The following EIF4G3 variants were observed in gnomAD, a reference collection of about 807,000 sequenced individuals.
EIF4G3 encodes eukaryotic translation initiation factor 4 gamma 3.
EIF4G3 carries 34 observed loss-of-function variants against 186.4 expected under a neutral mutation model. That is an observed-to-expected ratio of 0.18 (90% CI 0.14 to 0.24). The LOEUF (loss-of-function observed/expected upper bound fraction) is 0.24. Ranked by LOEUF, EIF4G3 falls within the 10% of genes least tolerant of loss-of-function variation. EIF4G3 has a pLI of 1.00. For synonymous variants in EIF4G3, 673 were observed against 679.5 expected, an observed-to-expected ratio of 0.99 and a Z score of 0.15; for missense variants, 1,536 against 1,948.5, an observed-to-expected ratio of 0.79 and a Z score of 3.99.
chr1:20,829,079 G>A, intron 31 of EIF4G3, 68 bp downstream of exon 31: 1 of 1,546,636 alleles, frequency 6.5e-7, no homozygotes, highest in Non-Finnish European at 8.9e-7. Context: ...TACTATGATA[G>A]AGAGCTAGCA....
At chr1:21,112,472 T>C (rs952186240) in intron 2 of EIF4G3, among the ~76,000 whole-genome samples, 1 of 152,130 alleles carries the variant, frequency 6.6e-6, no homozygotes, top group Non-Finnish European at 1.5e-5. Context: ...ATACAAACTT[T>C]TACATCATTT....
chr1:20,913,753 CTTCTT>C (rs1200353798), intron 14 of EIF4G3, among the ~76,000 whole-genome samples: 2 of 143,742 alleles, frequency 1.4e-5, no homozygotes, highest in South Asian at 4.4e-4. Flanking sequence ...TGTGTTTGTT[CTTCTT>C]TTAATAATTT....
intron 34 of EIF4G3, among the ~76,000 whole-genome samples, chr1:20,813,846 CAAAACAA>C (rs1278386056): frequency 3.4e-5 from 5 of 148,068 alleles, no homozygotes; most frequent in Non-Finnish European, 4.5e-5. Context: ...AACTCCATCT[CAAAACAA>C]AAAACAAAAA....
intron 3 of EIF4G3, among the ~76,000 whole-genome samples, chr1:21,071,103 T>A (rs1366768170): frequency 2.0e-5 from 3 of 152,118 alleles, no homozygotes; most frequent in Non-Finnish European, 2.9e-5. Context: ...AAATGATTGA[T>A]CTAATATAAG....
intron 21 of EIF4G3, 24 bp from the exon 22 acceptor site, chr1:20,864,736 G>C (rs370036575): frequency 2.7e-5 from 42 of 1,571,240 alleles, no homozygotes; most frequent in Non-Finnish European, 3.7e-5. Flanking sequence ...AGGAATAATA[G>C]CATCTTGATG....
intron 4 of EIF4G3, among the ~76,000 whole-genome samples, chr1:21,046,730 G>A (rs552262797): frequency 2.0e-5 from 3 of 152,208 alleles, no homozygotes; most frequent in Admixed American, 6.5e-5. Context: ...ACAAATTACC[G>A]CCAACAGAAA....
intron 29 of EIF4G3, among the ~76,000 whole-genome samples, chr1:20,848,554 T>C (rs2072031275): frequency 6.6e-6 from 1 of 152,192 alleles, no homozygotes; most frequent in African/African-American, 2.4e-5. Flanking sequence ...AATGTCTTAT[T>C]CACTACTATC....
At chr1:21,113,394 T>C (rs2096762097) in intron 2 of EIF4G3, among the ~76,000 whole-genome samples, 1 of 152,118 alleles carries the variant, frequency 6.6e-6, no homozygotes, top group Non-Finnish European at 1.5e-5. Flanking sequence ...TGTTACATGT[T>C]ATTTTGAAGT....
At chr1:21,158,151 T>C (rs1189345136) in intron 2 of EIF4G3, among the ~76,000 whole-genome samples, 1 of 149,592 alleles carries the variant, frequency 6.7e-6, no homozygotes, top group African/African-American at 2.4e-5. Context: ...CTAAACTCTC[T>C]CTTTAACAAA....
intron 3 of EIF4G3, among the ~76,000 whole-genome samples, chr1:21,064,036 T>C (rs2095096028): frequency 6.6e-6 from 1 of 152,118 alleles, no homozygotes; most frequent in African/African-American, 2.4e-5. Flanking sequence ...CCTCCTGTCA[T>C]ACTTTTCTCT....
chr1:20,971,778 C>A (rs978331517), intron 11 of EIF4G3, among the ~76,000 whole-genome samples: 1 of 152,150 alleles, frequency 6.6e-6, no homozygotes, highest in Non-Finnish European at 1.5e-5. Context: ...GAATTATAGG[C>A]ACGAGCCTCC....
At chr1:21,106,375 T>C (rs1056322107) in intron 2 of EIF4G3, among the ~76,000 whole-genome samples, 5 of 151,968 alleles carry the variant, frequency 3.3e-5, no homozygotes, top group East Asian at 3.9e-4. Flanking sequence ...ATAACAGAAA[T>C]GAATGGCGAG....
chr1:20,899,592 T>C (rs2089615341), intron 16 of EIF4G3, 105 bp downstream of exon 16: 2 of 1,380,962 alleles, frequency 1.4e-6, no homozygotes, highest in Non-Finnish European at 2.0e-6. Flanking sequence ...TATATTGTGA[T>C]AAACCTCTTT....
At chr1:20,896,435 C>CAAAAAAAAAAAAAAAAAAA (rs201025308) in intron 16 of EIF4G3, among the ~76,000 whole-genome samples, 2 of 54,606 alleles carry the variant, frequency 3.7e-5, no homozygotes, top group East Asian at 4.6e-4. Context: ...GATTCTATCT[C>CAAAAAAAAAAAAAAAAAAA]AAAAAAAAAA....
chr1:20,854,215 T>A (rs2074189531), intron 26 of EIF4G3, among the ~76,000 whole-genome samples: 1 of 152,170 alleles, frequency 6.6e-6, no homozygotes, highest in Non-Finnish European at 1.5e-5. Context: ...TCTCTCAAAA[T>A]CTGATTTTCG....
intron 22 of EIF4G3, 63 bp downstream of exon 22, chr1:20,864,413 T>G (rs1484319747): frequency 1.7e-6 from 2 of 1,176,992 alleles, no homozygotes; most frequent in Non-Finnish European, 2.5e-6. Context: ...CTGTTGACAG[T>G]CTAAGTTCTT....
intron 14 of EIF4G3, 33 bp downstream of exon 14, chr1:20,941,458 A>G (rs1403591870): frequency 6.2e-7 from 1 of 1,605,728 alleles, no homozygotes; most frequent in Non-Finnish European, 8.5e-7. Flanking sequence ...CTTCATGTTC[A>G]GCAAGCACGA....
At chr1:20,980,238 T>G in intron 10 of EIF4G3, 96 bp downstream of exon 10, 3 of 804,150 alleles carry the variant, frequency 3.7e-6, no homozygotes, top group Non-Finnish European at 5.8e-6. Flanking sequence ...AAAATCCTTC[T>G]TACCACTAAA....
chr1:20,966,268 CT>C (rs1482942110), intron 12 of EIF4G3, among the ~76,000 whole-genome samples: 1 of 152,210 alleles, frequency 6.6e-6, no homozygotes, highest in Non-Finnish European at 1.5e-5. Context: ...GCTGTCTCAT[CT>C]GTAGTCTTCT....
Sources: allele counts gnomAD v4.1 joint callset (sites outside exome capture counted in the v4.1 genomes callset), GRCh38; gene constraint gnomAD v4.1.1; transcripts MANE v1.5; gene names NCBI Gene and HGNC (gene_info 2026-07-23, HGNC 2026-07-21).